The following PGAP6 variants were observed in gnomAD, a reference collection of about 807,000 sequenced individuals.
PGAP6 encodes post-GPI attachment to proteins factor 6.
PGAP6 carries 62 observed loss-of-function variants against 68.4 expected under a neutral mutation model. That is an observed-to-expected ratio of 0.91 (90% CI 0.74 to 1.12). The LOEUF (loss-of-function observed/expected upper bound fraction) is 1.12, where lower values mean the gene tolerates loss of function less well. PGAP6 is among the 50% of genes most tolerant of loss of function. The probability of loss-of-function intolerance (pLI) is 0.00; values close to 1 mark genes in which losing one functional copy is unlikely to be tolerated. For synonymous variants in PGAP6, 575 were observed against 474.0 expected (o/e 1.21, Z -2.77); for missense variants, 1,188 against 1,068.5 (o/e 1.11, Z -1.56).
Position 381,765 on chromosome 16 carries a change from C to G in PGAP6, c.57G>C (p.Gly19=). The G allele has an allele frequency of 2.5e-6, 3 of 1,198,844 alleles. No homozygotes were observed. The highest frequency in any genetic ancestry group is 3.1e-6 in the Non-Finnish European group (3 of 965,490). The allele number at this position is 1,198,844 out of a possible 1,614,324, so 74.3% of individuals were successfully genotyped here. Residue 19 remains glycine, a synonymous_variant, in exon 1 of 13, where the codon GGG becomes GGC. Transcript: ENST00000431232. ...GGGCAAGCAGCAGCAGCAGCAGCGG[C>G]CCCGCCACCACCGCGGCCACCGCCT... is the stretch of plus-strand genomic sequence containing the variant. The part of the protein sequence containing the change: ...GGEAVAAVVA[G]PLLLLLLARP...
At position 376,439 on chromosome 16, in the gene PGAP6, G is replaced by A. The variant is rs761256568; in HGVS notation, c.921C>T (p.Ser307=). 1.9e-5 allele frequency: 30 copies of A among 1,567,818 alleles called. No individual in the cohort carries two copies. The highest frequency in any genetic ancestry group is 1.4e-4 in the Admixed American group (8 of 56,062). ...VAALTACRPR[S]VTIQPLLQSS... is the part of the protein sequence containing the mutation. ...TCTGCAGAAGGGGCTGGATGGTCAC[G>A]CTCCGTGGCCTGCAAGCTGCCGAGA... The change falls in exon 6 of 13, where the codon AGC becomes AGT. Residue 307 remains serine, a synonymous_variant. Transcript: ENST00000431232.
Position 377,077 on chromosome 16 carries a change from G to C in PGAP6, c.595C>G (p.Pro199Ala). 1.2e-6 allele frequency: 2 copies of C among 1,613,470 alleles called. No homozygotes were observed. The highest frequency in any genetic ancestry group is 4.5e-5 in the East Asian group (2 of 44,878). ...TGGGAGAGGAGGGTCTGAGGAAGGG[G>C]CACGTCCGGCTCCATGATGGAAATC... is the stretch of plus-strand genomic sequence containing the variant. ...VEISIMEPDV[P>A]LPQTLLSHPS... The change falls in exon 4 of 13, where the codon CCC becomes GCC. Residue 199 changes from proline (P) to alanine (A), a missense_variant. By Grantham distance (27) the Pro-to-Ala change is conservative. Coordinates refer to ENST00000431232, the MANE Select transcript of PGAP6 (RefSeq NM_021259.3).
At position 377,411 on chromosome 16, in the gene PGAP6, GT is replaced by G; in HGVS notation, c.473del (p.His158ProfsTer11). 1 of 1,606,616 alleles carries G rather than the reference GT, an allele frequency of 6.2e-7. No homozygotes were observed. The highest frequency in any genetic ancestry group is 8.5e-7 in the Non-Finnish European group (1 of 1,176,570). ...PAPGDWFVAAHLPPSSQKIEL... is the reference protein window; with the variant it reads ...PAPGDWFVAAXLPPSSQKIEL... Reference sequence around the variant, plus strand: ...CGATCTTCTGGGATGAGGGGGGCAGGTGGGCGGCCACGAACCAGTCCCCGGG... The same window carrying G: ...CGATCTTCTGGGATGAGGGGGGCAGGGGGCGGCCACGAACCAGTCCCCGGG... On this transcript the variant is annotated frameshift_variant, in exon 3 of 13. Transcript: ENST00000431232. LOFTEE classifies it high-confidence loss of function.
At position 379,381 on chromosome 16, in the gene PGAP6, C is replaced by T. The variant is rs568778505; in HGVS notation, c.122-1533G>A. Among the ~76,000 whole-genome samples the T allele has an allele frequency of 2.2e-3, 339 of 152,360 alleles. 1 individual carries two copies. Among genetic ancestry groups the T allele is most frequent in the African/African-American group, 7.9e-3 (327 of 41,594 alleles). ...CAGGCCAAGCTCCAGGGGAACCTGG[C>T]GTGGCGACTGGGCAGGGGCTGGCCA... On this transcript the variant is annotated intron_variant, in intron 1 of 12. Coordinates refer to ENST00000431232, the MANE Select transcript of PGAP6 (RefSeq NM_021259.3).
At chr16:375,862 G>T (rs1043074481) in intron 6 of PGAP6, among the ~76,000 whole-genome samples, 1 of 152,148 alleles carries the variant, frequency 6.6e-6, no homozygotes, top group African/African-American at 2.4e-5. Flanking sequence ...ACTCCTGCAG[G>T]CCCACGGTGC....
At chr16:378,495 G>C (rs4991325) in intron 1 of PGAP6, among the ~76,000 whole-genome samples, 1,224 of 2,208 alleles carry the variant, frequency 0.55, 469 homozygotes, top group African/African-American at 0.65. Flanking sequence ...TCGCCACTCT[G>C]ACTGCCATCC....
upstream of PGAP6, among the ~76,000 whole-genome samples, chr16:385,618 ATTTTTTT>A (rs71139779): frequency 2.1e-4 from 16 of 77,002 alleles, no homozygotes; most frequent in Admixed American, 4.7e-4. Flanking sequence ...GCCTACTCTG[ATTTTTTT>A]TTTTTTTTTT....
chr16:381,376 G>A (rs2054436217), intron 1 of PGAP6, among the ~76,000 whole-genome samples: 1 of 152,168 alleles, frequency 6.6e-6, no homozygotes, highest in South Asian at 2.1e-4. Flanking sequence ...CCCGGGCAGA[G>A]TCCCCTGGGC....
At position 374,350 on chromosome 16, in the gene PGAP6, G is replaced by C. The variant is rs1420700438; in HGVS notation, c.1626C>G (p.Ala542=). Reference sequence around the variant, plus strand: ...GCAGCAGTGTGGCCGCCCTCTGCTGGGCCACCGTCTGGGCTGTGCTGTTGT... The same window carrying C: ...GCAGCAGTGTGGCCGCCCTCTGCTGCGCCACCGTCTGGGCTGTGCTGTTGT... ...CTDNSTAQTV[A]QQRAATLLLT... is the part of the protein sequence containing the mutation. The change falls in exon 10 of 13, where the codon GCC becomes GCG. Residue 542 remains alanine, a synonymous_variant. Transcript: ENST00000431232. The C allele has an allele frequency of 1.2e-6, 2 of 1,601,652 alleles. No homozygotes were observed. Among genetic ancestry groups the C allele is most frequent in the East Asian group, 4.5e-5 (2 of 44,832 alleles).
At chr16:372,461 C>T in intron 12 of PGAP6, 150 bp downstream of exon 12, 1 of 947,934 alleles carries the variant, frequency 1.1e-6, no homozygotes, top group Non-Finnish European at 1.6e-6. Context: ...AGGGACACAG[C>T]CATGCTGGGC....
chr16:379,028 G>A (rs2054416681), intron 1 of PGAP6, among the ~76,000 whole-genome samples: 1 of 152,154 alleles, frequency 6.6e-6, no homozygotes, highest in Non-Finnish European at 1.5e-5. Flanking sequence ...TTCCCTCCCT[G>A]GGTCCCAGCC....
intron 3 of PGAP6, 79 bp from the exon 4 acceptor site, chr16:377,243 G>A (rs1409873496): frequency 1.2e-6 from 2 of 1,602,776 alleles, no homozygotes; most frequent in African/African-American, 1.3e-5. Context: ...GACGCCCCCG[G>A]CATGCAGGGA....
chr16:385,587 A>G (rs181566122), upstream of PGAP6, among the ~76,000 whole-genome samples: 473 of 143,146 alleles, frequency 3.3e-3, 3 homozygotes, highest in Non-Finnish European at 4.7e-3. Context: ...CTGGGATTAC[A>G]GGCATGAGCC....
upstream of PGAP6, among the ~76,000 whole-genome samples, chr16:385,618 AT>A (rs71139779): frequency 5.4e-3 from 419 of 76,998 alleles, 67 homozygotes; most frequent in African/African-American, 0.018. Flanking sequence ...GCCTACTCTG[AT>A]TTTTTTTTTT....
chr16:378,284 C>CCATCGCCACCCGCACTGA (rs2054407180), intron 1 of PGAP6, among the ~76,000 whole-genome samples: 2 of 134,204 alleles, frequency 1.5e-5, no homozygotes. Context: ...ACCCACACTG[C>CCATCGCCACCCGCACTGA]CATCGCCACC....
In PGAP6 at chr16:372,071, G is replaced by T. The variant is rs766406619; in HGVS notation, c.2232C>A (p.Ala744=). The change falls in exon 13 of 13, where the codon GCC becomes GCA. Residue 744 remains alanine, a synonymous_variant. Transcript: ENST00000431232. ...ALLLPPPDQP[A]EPWACSQKFP... ...ATTTCTGCGAGCAGGCCCAGGGCTC[G>T]GCGGGCTGGTCAGGTGGCGGCAGCA... 3 of 1,612,276 alleles carry T rather than the reference G, an allele frequency of 1.9e-6. No homozygotes were observed. The highest frequency in any genetic ancestry group is 1.7e-6 in the Non-Finnish European group (2 of 1,179,878).
upstream of PGAP6, among the ~76,000 whole-genome samples, chr16:383,089 C>G (rs2054457791): frequency 6.6e-6 from 1 of 152,126 alleles, no homozygotes; most frequent in African/African-American, 2.4e-5. Context: ...GCACTCCAGC[C>G]TGGGCGACAG....
chr16:381,793 C>A lies in PGAP6; in HGVS notation c.29G>T (p.Gly10Val). The change falls in exon 1 of 13, where the codon GGC becomes GTC. Residue 10 changes from glycine (G) to valine (V), a missense_variant. By Grantham distance (109) the Gly-to-Val change is moderately radical (BLOSUM62 -3). Transcript: ENST00000431232. MGRAGTGTG[G>V]EAVAAVVAGP... ...CGCCACCACCGCGGCCACCGCCTCGCCCCCGGTCCCGGTGCCAGCCCGGCC... is the reference window on the plus strand; with the variant it reads ...CGCCACCACCGCGGCCACCGCCTCGACCCCGGTCCCGGTGCCAGCCCGGCC... The A allele has an allele frequency of 1.7e-6, 2 of 1,157,704 alleles. No homozygotes were observed. The highest frequency in any genetic ancestry group is 2.1e-6 in the Non-Finnish European group (2 of 940,484). The allele number at this position is 1,157,704 out of a possible 1,614,324, so 71.7% of individuals were successfully genotyped here.
chr16:386,825 TTTA>T (rs777728300), upstream of PGAP6: 13 of 681,192 alleles, frequency 1.9e-5, no homozygotes, highest in Non-Finnish European at 3.2e-5. Flanking sequence ...AAGCGAAGGC[TTTA>T]AAGGCCAAGA....
Sources: allele counts gnomAD v4.1 joint callset (sites outside exome capture counted in the v4.1 genomes callset), GRCh38; gene constraint gnomAD v4.1.1; transcripts MANE v1.5; gene names NCBI Gene and HGNC (gene_info 2026-07-23, HGNC 2026-07-21).